The following ZFP2 variants were observed in gnomAD, a reference collection of about 807,000 sequenced individuals.
The protein encoded by ZFP2 is zinc finger protein ZFP2.
In ZFP2, 33 loss-of-function variants were observed where a neutral mutation model predicts 36.1. The observed-to-expected ratio is 0.92, with a 90% CI of 0.69 to 1.22. ZFP2 has a LOEUF of 1.22. ZFP2 is among the 50% of genes most tolerant of loss of function. ZFP2 has a pLI of 0.00. For missense variants in ZFP2, 522 were observed against 551.4 expected, an observed-to-expected ratio of 0.95 and a Z score of 0.53; for synonymous variants, 170 against 178.0, an observed-to-expected ratio of 0.96 and a Z score of 0.36.
intron 1 of ZFP2, chr5:178,909,856 C>T (rs558556008): frequency 2.9e-4 from 455 of 1,583,646 alleles, no homozygotes; most frequent in Admixed American, 1.6e-3. Context: ...TTGCTGAGGT[C>T]AGGGCCAATC....
intron 1 of ZFP2, chr5:178,910,494 C>T (rs1338702048): frequency 3.1e-6 from 2 of 644,876 alleles, no homozygotes; most frequent in Non-Finnish European, 5.8e-6. Flanking sequence ...ACTTGCTCCT[C>T]ACAGTGGCCT....
At chr5:178,896,565 A>C (rs961072022) in intron 1 of ZFP2, among the ~76,000 whole-genome samples, 2 of 152,020 alleles carry the variant, frequency 1.3e-5, no homozygotes, top group Non-Finnish European at 2.9e-5. Flanking sequence ...TCACAATAAG[A>C]ATGGGGAGGC....
chr5:178,903,558 C>T (rs6898923), intron 1 of ZFP2, among the ~76,000 whole-genome samples: 73,576 of 152,024 alleles, frequency 0.48, 18,047 homozygotes, highest in Middle Eastern at 0.54. Context: ...CTTTGCTATA[C>T]GTTGCCAGTA....
At chr5:178,910,060 GA>G in intron 1 of ZFP2, 1 of 1,475,038 alleles carries the variant, frequency 6.8e-7, no homozygotes. Flanking sequence ...AGGCCAAACT[GA>G]AATGTAAACT....
Position 178,932,193 on chromosome 5 carries a change from G to T in ZFP2, c.880G>T (p.Gly294Ter). 6.2e-7 allele frequency: 1 copy of T among 1,614,096 alleles called. No homozygotes were observed. The highest frequency in any genetic ancestry group is 8.5e-7 in the Non-Finnish European group (1 of 1,180,020). ...TLTLHQRNHT[G>*]EKPYKCNKCG... Reference sequence around the variant, plus strand: ...TACCCTACATCAGCGAAATCACACTGGAGAAAAACCTTACAAATGTAACAA... The same window carrying T: ...TACCCTACATCAGCGAAATCACACTTGAGAAAAACCTTACAAATGTAACAA... Residue 294 changes from glycine (G) to a stop codon, truncating the protein, a stop_gained, in exon 5 of 5, where the codon GGA (glycine) becomes TGA (stop). Coordinates refer to ENST00000361362, the MANE Select transcript of ZFP2 (RefSeq NM_030613.4). LOFTEE classifies it high-confidence loss of function.
intron 4 of ZFP2, among the ~76,000 whole-genome samples, chr5:178,925,052 A>C (rs1399005308): frequency 6.9e-6 from 1 of 145,788 alleles, no homozygotes; most frequent in Non-Finnish European, 1.5e-5. Context: ...TTTATCATTG[A>C]ATCTCTAAAC....
chr5:178,931,705 A>AG lies in ZFP2; in HGVS notation c.393dup (p.Cys132ValfsTer2). ...ATTCATACTGGGGAGAAACCCTATA[A>AG]GTGTAATGTATGTGGGAAACACTTC... On this transcript the variant is annotated frameshift_variant, in exon 5 of 5. Coordinates refer to ENST00000361362, the MANE Select transcript of ZFP2 (RefSeq NM_030613.4). LOFTEE classifies it high-confidence loss of function. 6.2e-7 allele frequency: 1 copy of AG among 1,614,170 alleles called. No individual in the cohort carries two copies. Among genetic ancestry groups the AG allele is most frequent in the Admixed American group, 1.7e-5 (1 of 60,012 alleles).
intron 4 of ZFP2, among the ~76,000 whole-genome samples, chr5:178,921,441 A>G (rs2113106645): frequency 7.7e-6 from 1 of 129,224 alleles, no homozygotes; most frequent in Middle Eastern, 3.8e-3. Context: ...TCTTGGGACC[A>G]CAGATCCCTT....
chr5:178,932,142 A>T lies in ZFP2; in HGVS notation c.829A>T (p.Lys277Ter), dbSNP rs1489643059. ...ACCCTATGAGTGTAGTCAATGTGGA[A>T]AAGCCTTTAGTAAGAGCTCAACTCT... Reference protein sequence around the residue: ...EKPYECSQCGKAFSKSSTLTL... With the variant: ...EKPYECSQCG The change falls in exon 5 of 5, where the codon AAA (lysine) becomes TAA (stop). Residue 277 changes from lysine to a stop codon, truncating the protein, a stop_gained. Transcript: ENST00000361362. LOFTEE classifies it high-confidence loss of function. 1.9e-6 allele frequency: 3 copies of T among 1,613,246 alleles called. No individual in the cohort carries two copies. The highest frequency in any genetic ancestry group is 2.5e-6 in the Non-Finnish European group (3 of 1,179,504).
At position 178,921,925 on chromosome 5, in the gene ZFP2, T is replaced by C. The variant is rs748955301; in HGVS notation, c.-78+5215T>C. On this transcript the variant is annotated intron_variant, in intron 4 of 4. Transcript: ENST00000361362. Reference sequence around the variant, plus strand: ...CTTATCAGGAAGAGGATCCTCTACTTTGGTTTTAATTTGATCTTTGTCTAA... The same window carrying C: ...CTTATCAGGAAGAGGATCCTCTACTCTGGTTTTAATTTGATCTTTGTCTAA... 37 of 482,264 alleles carry C rather than the reference T, an allele frequency of 7.7e-5. 2 individuals carry two copies. The highest frequency in any genetic ancestry group is 1.3e-4 in the Non-Finnish European group (35 of 259,920). The allele number at this position is 482,264 out of a possible 1,614,324, so 29.9% of individuals were successfully genotyped here.
rs113421376 is a variant in ZFP2, at chr5:178,926,642, G to T, written c.-77-4595G>T. ...CGCCATTCTCCTGCCTCAGCCTCCT[G>T]AGTAGCTGGGACTACAGGTGTGTGC... On this transcript the variant is annotated intron_variant, in intron 4 of 4. Coordinates refer to ENST00000361362, the MANE Select transcript of ZFP2 (RefSeq NM_030613.4). Among the ~76,000 whole-genome samples the T allele has an allele frequency of 2.6e-5, 4 of 151,978 alleles. No homozygotes were observed. The South Asian group carries it at 6.2e-4, about 24-fold the overall frequency.
Position 178,932,692 on chromosome 5 carries a change from A to T in ZFP2, c.1379A>T (p.His460Leu). 1 of 1,589,426 alleles carries T rather than the reference A, an allele frequency of 6.3e-7. No individual in the cohort carries two copies. The highest frequency in any genetic ancestry group is 8.6e-7 in the Non-Finnish European group (1 of 1,168,404). ...STNLTRHQRTHT is the reference protein window; with the variant it reads ...STNLTRHQRTLT ...AACCTTACACGACATCAAAGAACTC[A>T]TACGTGAGGAATGTTTTCACTGGCC... Residue 460 changes from histidine to leucine, a missense_variant, in exon 5 of 5, where the codon CAT becomes CTT. By Grantham distance (99) the His-to-Leu change is moderately conservative. Transcript: ENST00000361362.
chr5:178,911,424 C>T (rs998870315), intron 1 of ZFP2, among the ~76,000 whole-genome samples: 2 of 152,140 alleles, frequency 1.3e-5, no homozygotes, highest in Non-Finnish European at 2.9e-5. Flanking sequence ...GCCTTTCCTG[C>T]CACCTGCTCT....
intron 1 of ZFP2, among the ~76,000 whole-genome samples, chr5:178,900,134 T>G (rs1425545124): frequency 6.6e-6 from 1 of 152,236 alleles, no homozygotes; most frequent in African/African-American, 2.4e-5. Flanking sequence ...ACCTACATTT[T>G]AATTTATGTA....
At chr5:178,926,266 T>C (rs888291420) in intron 4 of ZFP2, among the ~76,000 whole-genome samples, 1 of 152,188 alleles carries the variant, frequency 6.6e-6, no homozygotes, top group African/African-American at 2.4e-5. Context: ...TTTTAATTAT[T>C]TTTAAAATTT....
chr5:178,896,784 A>G (rs774101195), intron 1 of ZFP2, among the ~76,000 whole-genome samples: 8 of 152,176 alleles, frequency 5.3e-5, no homozygotes, highest in South Asian at 2.1e-4. Context: ...TTCTCCATCT[A>G]TCTTTTAAAA....
rs754800107 is a variant in ZFP2 at position 178,932,066 on chromosome 5, C to T, written c.753C>T (p.Phe251=). ...AATGTAATGAATGTGGAAAAGCCTT[C>T]AGTCAAAGCATGCATCTTATTGTAC... The part of the protein sequence containing the change: ...PYECNECGKA[F]SQSMHLIVHQ... The change falls in exon 5 of 5, where the codon TTC becomes TTT. Residue 251 remains phenylalanine, a synonymous_variant. Coordinates refer to ENST00000361362, the MANE Select transcript of ZFP2 (RefSeq NM_030613.4). 1 of 1,614,054 alleles carries T rather than the reference C, an allele frequency of 6.2e-7. No individual in the cohort carries two copies. The highest frequency in any genetic ancestry group is 8.5e-7 in the Non-Finnish European group (1 of 1,180,002).
intron 4 of ZFP2, among the ~76,000 whole-genome samples, chr5:178,922,936 A>T (rs948060072): frequency 6.7e-6 from 1 of 149,554 alleles, no homozygotes; most frequent in East Asian, 1.9e-4. Flanking sequence ...TGAAAGCTAT[A>T]TAATTTCCTC....
At chr5:178,910,454 C>CT (rs977701695) in intron 1 of ZFP2, 1 of 715,736 alleles carries the variant, frequency 1.4e-6, no homozygotes, top group Admixed American at 1.8e-5. Context: ...ATTGACAAGG[C>CT]TATCTCTACT....
Sources: gnomAD v4.1 joint callset for allele counts (sites outside exome capture counted in the v4.1 genomes callset) on GRCh38, gnomAD v4.1.1 for gene constraint, MANE v1.5 for transcripts, NCBI Gene and HGNC (gene_info 2026-07-23, HGNC 2026-07-21) for gene names.